The following LRP1B variants were observed in gnomAD, a reference collection of about 807,000 sequenced individuals.
The protein encoded by LRP1B is low-density lipoprotein receptor-related protein 1B.
A neutral mutation model predicts 556.6 loss-of-function variants in LRP1B; 217 were observed. The observed-to-expected ratio is 0.39, with a 90% CI of 0.35 to 0.44. The LOEUF is 0.44. Among genes scored for constraint, LRP1B ranks in the 20% least tolerant of loss-of-function variants. The pLI, the probability that LRP1B is intolerant of heterozygous loss-of-function variation, is 1.00. For synonymous variants in LRP1B, 2,047 were observed against 1,865.8 expected, an observed-to-expected ratio of 1.10 and a Z score of -2.50; for missense variants, 5,053 against 5,620.8, an observed-to-expected ratio of 0.90 and a Z score of 3.23.
intron 2 of LRP1B, among the ~76,000 whole-genome samples, chr2:141,789,785 A>AT (rs1449998777): frequency 5.3e-5 from 8 of 151,906 alleles, no homozygotes; most frequent in Non-Finnish European, 8.8e-5. Context: ...TTTTGCAATG[A>AT]GGTGGTCTAA....
intron 4 of LRP1B, among the ~76,000 whole-genome samples, chr2:141,253,954 T>G (rs1251400708): frequency 6.6e-6 from 1 of 152,054 alleles, no homozygotes; most frequent in Non-Finnish European, 1.5e-5. Flanking sequence ...TGGAATCAAG[T>G]GAATGGAAAG....
At chr2:141,618,533 A>T (rs554153870) in intron 2 of LRP1B, among the ~76,000 whole-genome samples, 3 of 152,198 alleles carry the variant, frequency 2.0e-5, no homozygotes, top group Non-Finnish European at 4.4e-5. Context: ...TTTGAGAAAA[A>T]TAAAAACTAA....
At chr2:141,413,862 C>G (rs1029898880) in intron 3 of LRP1B, among the ~76,000 whole-genome samples, 3 of 149,868 alleles carry the variant, frequency 2.0e-5, no homozygotes, top group South Asian at 4.2e-4. Context: ...CTGGGTGACA[C>G]AGTGAGGAGA....
chr2:141,055,391 A>T (rs1295109770), intron 9 of LRP1B, 132 bp from the exon 10 acceptor site: 1 of 792,540 alleles, frequency 1.3e-6, no homozygotes, highest in African/African-American at 1.8e-5. Flanking sequence ...TCAACTATTT[A>T]GCACCATAAT....
At chr2:141,900,871 GTT>G (rs1699598955) in intron 1 of LRP1B, among the ~76,000 whole-genome samples, 1 of 151,872 alleles carries the variant, frequency 6.6e-6, no homozygotes, top group Non-Finnish European at 1.5e-5. Flanking sequence ...CACTCCATCT[GTT>G]TCTTGCTGGG....
chr2:142,062,388 C>T (rs994481853), intron 1 of LRP1B, among the ~76,000 whole-genome samples: 4 of 151,720 alleles, frequency 2.6e-5, no homozygotes, highest in South Asian at 4.2e-4. Flanking sequence ...CTGACCACTG[C>T]CTATTCACAT....
intron 2 of LRP1B, among the ~76,000 whole-genome samples, chr2:141,566,366 G>C (rs568138541): frequency 8.4e-4 from 128 of 152,148 alleles, no homozygotes; most frequent in Non-Finnish European, 1.3e-3. Flanking sequence ...TGAGAATTAC[G>C]TAAAGTAGAA....
chr2:141,989,919 C>T (rs985325059), intron 1 of LRP1B, among the ~76,000 whole-genome samples: 9 of 152,150 alleles, frequency 5.9e-5, no homozygotes, highest in Non-Finnish European at 7.4e-5. Flanking sequence ...GGTCTTCATA[C>T]GGCATTAGTT....
chr2:142,069,505 A>G (rs1705234329), intron 1 of LRP1B, among the ~76,000 whole-genome samples: 1 of 134,952 alleles, frequency 7.4e-6, no homozygotes, highest in South Asian at 2.4e-4. Flanking sequence ...CCTCTGAACC[A>G]TAGTAATCAT....
At chr2:140,321,362 TTC>T (rs60320924) in intron 82 of LRP1B, among the ~76,000 whole-genome samples, 11,381 of 152,034 alleles carry the variant, frequency 0.075, 465 homozygotes, top group Middle Eastern at 0.13. Flanking sequence ...TCCATTTTGT[TTC>T]TGTTAGTTTT....
At chr2:140,246,636 T>C (rs1681177485) in intron 87 of LRP1B, among the ~76,000 whole-genome samples, 1 of 151,546 alleles carries the variant, frequency 6.6e-6, no homozygotes, top group African/African-American at 2.4e-5. Flanking sequence ...GAATTGCTTG[T>C]TAACTTGCTT....
chr2:141,248,120 T>C (rs550501868), intron 4 of LRP1B, among the ~76,000 whole-genome samples: 1 of 152,272 alleles, frequency 6.6e-6, no homozygotes, highest in African/African-American at 2.4e-5. Flanking sequence ...CCCTTCATTC[T>C]GTTTTCTCTA....
At chr2:140,503,983 G>A (rs1455975598) in intron 53 of LRP1B, among the ~76,000 whole-genome samples, 1 of 152,062 alleles carries the variant, frequency 6.6e-6, no homozygotes, top group Non-Finnish European at 1.5e-5. Context: ...AGCTACCCTA[G>A]TATTTCTTCG....
intron 1 of LRP1B, among the ~76,000 whole-genome samples, chr2:141,995,003 A>G (rs889327644): frequency 9.9e-5 from 15 of 152,186 alleles, no homozygotes; most frequent in African/African-American, 3.6e-4. Context: ...CATTTGTAAC[A>G]AAGTGAGGAC....
At chr2:141,478,070 A>C (rs13007727) in intron 3 of LRP1B, among the ~76,000 whole-genome samples, 145,736 of 152,112 alleles carry the variant, frequency 0.96, 70,139 homozygotes, top group East Asian at 1. Flanking sequence ...ACTACATACT[A>C]GAAATTTGTC....
intron 20 of LRP1B, among the ~76,000 whole-genome samples, chr2:140,937,189 G>T (rs1695254143): frequency 6.6e-6 from 1 of 151,978 alleles, no homozygotes; most frequent in Non-Finnish European, 1.5e-5. Context: ...AGGAATTGAG[G>T]AACAAAAAGT....
rs568226955 is a variant in LRP1B at position 141,041,053 on chromosome 2, C to T, written c.1789+7933G>A. On this transcript the variant is annotated intron_variant, in intron 11 of 90. Transcript: ENST00000389484. Reference sequence around the variant, plus strand: ...AGTACCTTCATTTAAAGGAAGACCTCGGTTTTCCAGGTATTTACAGGAGCT... The same window carrying T: ...AGTACCTTCATTTAAAGGAAGACCTTGGTTTTCCAGGTATTTACAGGAGCT... Among the ~76,000 whole-genome samples the T allele has an allele frequency of 3.3e-5, 5 of 152,048 alleles. No individual in the cohort carries two copies. The South Asian group carries it at 8.3e-4, about 25-fold the overall frequency.
intron 69 of LRP1B, among the ~76,000 whole-genome samples, chr2:140,372,248 A>T (rs1683029728): frequency 6.6e-6 from 1 of 152,040 alleles, no homozygotes; most frequent in Non-Finnish European, 1.5e-5. Context: ...ATTCATAAGG[A>T]GTCTAATAAC....
chr2:140,771,247 A>G (rs186389481), intron 33 of LRP1B, among the ~76,000 whole-genome samples: 53 of 152,240 alleles, frequency 3.5e-4, no homozygotes, highest in African/African-American at 1.2e-3. Flanking sequence ...CAGAAAAGCA[A>G]AAGGAAATTG....
Sources: gnomAD v4.1 joint callset for allele counts (sites outside exome capture counted in the v4.1 genomes callset) on GRCh38, gnomAD v4.1.1 for gene constraint, MANE v1.5 for transcripts, NCBI Gene and HGNC (gene_info 2026-07-23, HGNC 2026-07-21) for gene names.